Variants in GLIS3 observed in about 807,000 individuals in gnomAD.
GLIS3 encodes the protein zinc finger protein GLIS3.
Under a neutral mutation model 78.6 loss-of-function variants are expected in GLIS3, and 53 were observed. The observed-to-expected ratio is 0.67, with a 90% CI of 0.54 to 0.85. The LOEUF (loss-of-function observed/expected upper bound fraction) is 0.85. GLIS3 is among the 40% of genes least tolerant of loss of function. The probability of loss-of-function intolerance (pLI) is 0.00; values close to 1 mark genes in which losing one functional copy is unlikely to be tolerated. For synonymous variants in GLIS3, 684 were observed against 509.9 expected, an observed-to-expected ratio of 1.34 and a Z score of -4.60; for missense variants, 1,703 against 1,231.1, an observed-to-expected ratio of 1.38 and a Z score of -5.74.
chr9:4,356,168 ACCTCAACAATATGATTT>A, the GLIS3 span, among the ~76,000 whole-genome samples: 4 of 152,024 alleles, frequency 2.6e-5, no homozygotes, highest in Non-Finnish European at 1.5e-5. Context: ...AGTTCCTTCC[ACCTCAACAATATGATTT>A]GGTAAACAGG....
chr9:3,876,841 A>G (rs1469226162), intron 8 of GLIS3, among the ~76,000 whole-genome samples: 1 of 151,122 alleles, frequency 6.6e-6, no homozygotes, highest in Non-Finnish European at 1.5e-5. Flanking sequence ...ACAAAATGTT[A>G]AAAAAAGACA....
At chr9:4,190,353 G>C (rs921544295) in intron 2 of GLIS3, among the ~76,000 whole-genome samples, 1 of 152,078 alleles carries the variant, frequency 6.6e-6, no homozygotes, top group Non-Finnish European at 1.5e-5. Flanking sequence ...TGATGGAGCT[G>C]AAAGTCAAGG....
At chr9:3,883,558 G>C (rs543104856) in intron 7 of GLIS3, among the ~76,000 whole-genome samples, 5 of 152,320 alleles carry the variant, frequency 3.3e-5, no homozygotes, top group African/African-American at 1.2e-4. Flanking sequence ...TCAACGAATA[G>C]GGCACACAAT....
At chr9:3,861,757 G>T (rs934772730) in intron 8 of GLIS3, among the ~76,000 whole-genome samples, 1 of 152,274 alleles carries the variant, frequency 6.6e-6, no homozygotes, top group East Asian at 1.9e-4. Context: ...GACACAGGGA[G>T]GGGAACAGCA....
the GLIS3 span, among the ~76,000 whole-genome samples, chr9:4,471,939 G>A: frequency 6.6e-6 from 1 of 152,162 alleles, no homozygotes; most frequent in Admixed American, 6.5e-5. Context: ...ATCAAAAAGT[G>A]GGCAAAGGAT....
chr9:4,438,332 CTAAAATGT>C, the GLIS3 span, among the ~76,000 whole-genome samples: 3 of 152,044 alleles, frequency 2.0e-5, no homozygotes, highest in Non-Finnish European at 4.4e-5. Context: ...GCAGATATAG[CTAAAATGT>C]TTTAGTAATG....
intron 10 of GLIS3, 49 bp downstream of exon 10, chr9:3,829,261 C>A (rs1049900195): frequency 6.4e-7 from 1 of 1,555,814 alleles, no homozygotes; most frequent in Non-Finnish European, 8.9e-7. Flanking sequence ...CCCACCTGGT[C>A]TCTCCTGTCA....
chr9:4,463,714 G>A, the GLIS3 span, among the ~76,000 whole-genome samples: 4 of 152,172 alleles, frequency 2.6e-5, no homozygotes, highest in Non-Finnish European at 5.9e-5. Flanking sequence ...GGTCAAAGAT[G>A]CAGGATGCCT....
intron 4 of GLIS3, among the ~76,000 whole-genome samples, chr9:4,086,360 A>T (rs1354967819): frequency 2.0e-5 from 3 of 152,072 alleles, no homozygotes; most frequent in Admixed American, 6.5e-5. Flanking sequence ...ACTTCCCCAT[A>T]TCTCCATCAC....
chr9:4,407,522 C>G, the GLIS3 span, among the ~76,000 whole-genome samples: 1 of 152,206 alleles, frequency 6.6e-6, no homozygotes, highest in Non-Finnish European at 1.5e-5. Context: ...TGGCGGGCGC[C>G]TGTAGTCCCA....
chr9:3,953,781 CTCTCTCTCTCTCTCTATATA>C (rs1816868282), intron 4 of GLIS3, among the ~76,000 whole-genome samples: 1 of 39,774 alleles, frequency 2.5e-5, no homozygotes, highest in Non-Finnish European at 5.5e-5. Flanking sequence ...CTCTCTCTCT[CTCTCTCTCTCTCTCTATATA>C]TATATATATA....
chr9:4,439,904 A>G, the GLIS3 span, among the ~76,000 whole-genome samples: 1 of 152,126 alleles, frequency 6.6e-6, no homozygotes, highest in African/African-American at 2.4e-5. Flanking sequence ...GCTGGTCTTG[A>G]ACTCCTGTGC....
At chr9:4,062,743 C>T (rs1826756776) in intron 4 of GLIS3, among the ~76,000 whole-genome samples, 1 of 152,076 alleles carries the variant, frequency 6.6e-6, no homozygotes, top group African/African-American at 2.4e-5. Context: ...CTGGCTAACA[C>T]AGCGAAACCC....
chr9:4,229,251 G>A (rs374427971), intron 2 of GLIS3, among the ~76,000 whole-genome samples: 1 of 152,178 alleles, frequency 6.6e-6, no homozygotes, highest in Non-Finnish European at 1.5e-5. Context: ...CGCTGAAATC[G>A]CTTTCACTTT....
intron 2 of GLIS3, among the ~76,000 whole-genome samples, chr9:4,281,485 A>C (rs937872962): frequency 6.6e-6 from 1 of 152,202 alleles, no homozygotes; most frequent in South Asian, 2.1e-4. Flanking sequence ...CTTTCTGACT[A>C]TATGAATTTG....
chr9:4,347,630 T>A (rs1019546444), intron 1 of GLIS3, among the ~76,000 whole-genome samples: 3 of 152,230 alleles, frequency 2.0e-5, no homozygotes, highest in Non-Finnish European at 2.9e-5. Context: ...AACTCACTAA[T>A]AATAGTCATC....
chr9:4,345,372 T>G (rs1320469223), intron 2 of GLIS3, among the ~76,000 whole-genome samples: 1 of 152,236 alleles, frequency 6.6e-6, no homozygotes, highest in Admixed American at 6.5e-5. Context: ...TTTTGTTTAT[T>G]TTCTTCATAG....
chr9:4,131,984 T>A (rs1317539332), intron 2 of GLIS3, among the ~76,000 whole-genome samples: 2 of 151,900 alleles, frequency 1.3e-5, no homozygotes, highest in African/African-American at 4.8e-5. Context: ...TAGTAAATAA[T>A]GCTGTTTAAT....
chr9:4,426,229 G>GTT, the GLIS3 span, among the ~76,000 whole-genome samples: 1 of 152,142 alleles, frequency 6.6e-6, no homozygotes, highest in Non-Finnish European at 1.5e-5. Context: ...CAAACAGAGA[G>GTT]TAGGCTGAGT....
Sources: allele counts gnomAD v4.1 joint callset (sites outside exome capture counted in the v4.1 genomes callset), GRCh38; gene constraint gnomAD v4.1.1; transcripts MANE v1.5; gene names NCBI Gene and HGNC (gene_info 2026-07-23, HGNC 2026-07-21).